UBE4B: variants seen among roughly 807,000 people sequenced by gnomAD.
The protein encoded by UBE4B is ubiquitin conjugation factor E4 B.
A neutral mutation model predicts 148.1 loss-of-function variants in UBE4B; 27 were observed. That is an observed-to-expected ratio of 0.18 (90% CI 0.13 to 0.25). The LOEUF (loss-of-function observed/expected upper bound fraction) is 0.25, where lower values mean the gene tolerates loss of function less well. UBE4B is among the 10% of genes least tolerant of loss of function. The probability of loss-of-function intolerance (pLI) is 1.00; values close to 1 mark genes in which losing one functional copy is unlikely to be tolerated. For missense variants in UBE4B, 1,170 were observed against 1,662.4 expected (o/e 0.70, Z 5.15); for synonymous variants, 596 against 619.3 (o/e 0.96, Z 0.56).
chr1:10,151,980 C>T (rs1645982133), intron 21 of UBE4B, among the ~76,000 whole-genome samples: 2 of 151,986 alleles, frequency 1.3e-5, no homozygotes, highest in Admixed American at 6.6e-5. Flanking sequence ...ATTCTTGGTC[C>T]GGGTGCGGTG....
At chr1:10,036,112 A>T (rs544435775) in intron 1 of UBE4B, among the ~76,000 whole-genome samples, 66 of 148,540 alleles carry the variant, frequency 4.4e-4, no homozygotes, top group African/African-American at 1.6e-3. Flanking sequence ...TGATCTGTTA[A>T]TAGTCCTTGG....
chr1:10,148,804 G>A (rs567727583), intron 19 of UBE4B, among the ~76,000 whole-genome samples: 1 of 152,012 alleles, frequency 6.6e-6, no homozygotes, highest in South Asian at 2.1e-4. Context: ...GCCAGGTATG[G>A]TGGCACGTGC....
chr1:10,153,757 C>T (rs1646019480), intron 21 of UBE4B, among the ~76,000 whole-genome samples: 1 of 151,566 alleles, frequency 6.6e-6, no homozygotes, highest in Non-Finnish European at 1.5e-5. Context: ...AGATGAGCCT[C>T]GCCAACATGG....
intron 26 of UBE4B, 182 bp downstream of exon 26, chr1:10,179,000 C>T (rs1330957861): frequency 3.1e-6 from 2 of 641,042 alleles, no homozygotes; most frequent in Non-Finnish European, 2.4e-6. Context: ...GAGGAAGAAA[C>T]ATCCTTAGCT....
intron 7 of UBE4B, among the ~76,000 whole-genome samples, chr1:10,112,711 C>T (rs1054818250): frequency 3.3e-5 from 5 of 152,238 alleles, no homozygotes; most frequent in African/African-American, 7.2e-5. Flanking sequence ...TACTATATTC[C>T]GCTTTCTCCT....
rs1010048467 is a variant in UBE4B, at chr1:10,130,526, G to A, written c.1722G>A (p.Pro574=). The A allele has an allele frequency of 1.1e-5, 17 of 1,614,026 alleles. No individual in the cohort carries two copies. Among genetic ancestry groups the A allele is most frequent in the East Asian group, 4.5e-5 (2 of 44,896 alleles). The change falls in exon 13 of 28, where the codon CCG becomes CCA. Residue 574 remains proline (P), a synonymous_variant. Coordinates refer to ENST00000343090, the MANE Select transcript of UBE4B (RefSeq NM_001105562.3). ...NLVASLRLWL[P]KSLSPGCGRE... Reference sequence around the variant, plus strand: ...TTGCTTCTTTGCGGTTGTGGTTGCCGAAATCCTTAAGTCCTGGCTGTGGGC... The same window carrying A: ...TTGCTTCTTTGCGGTTGTGGTTGCCAAAATCCTTAAGTCCTGGCTGTGGGC...
intron 2 of UBE4B, among the ~76,000 whole-genome samples, chr1:10,094,901 C>G (rs1644906670): frequency 6.6e-6 from 1 of 152,082 alleles, no homozygotes; most frequent in Admixed American, 6.6e-5. Context: ...AAGGATTCTC[C>G]TGCCTCAGCT....
At chr1:10,072,692 A>C (rs937023759) in intron 2 of UBE4B, 20 of 510,242 alleles carry the variant, frequency 3.9e-5, no homozygotes, top group Admixed American at 1.1e-4. Flanking sequence ...CTATCTCATT[A>C]AAAAGTAAAA....
rs1646464859 is a variant in UBE4B at position 10,178,807 on chromosome 1, A to T, written c.3689A>T (p.Asp1230Val). ...GAAATCGACTACAGCGACGCTCCTGATGAGTTCAGAGGCAAGTGGACTCGT... is the reference window on the plus strand; with the variant it reads ...GAAATCGACTACAGCGACGCTCCTGTTGAGTTCAGAGGCAAGTGGACTCGT... ...RAEIDYSDAP[D>V]EFRDPLMDTL... Residue 1230 changes from aspartate (D) to valine (V), a missense_variant, in exon 26 of 28, where the codon GAT (aspartate) becomes GTT (valine). Transcript: ENST00000343090. The T allele has an allele frequency of 2.5e-6, 4 of 1,609,326 alleles. No homozygotes were observed. The highest frequency in any genetic ancestry group is 3.4e-6 in the Non-Finnish European group (4 of 1,178,654).
chr1:10,158,250 C>G (rs755056386), intron 21 of UBE4B, 106 bp from the exon 22 acceptor site: 6 of 1,400,378 alleles, frequency 4.3e-6, no homozygotes, highest in Non-Finnish European at 5.8e-6. Flanking sequence ...CACCAGCTCT[C>G]TGATTTTGCA....
chr1:10,105,150 G>C (rs1645084477), intron 5 of UBE4B, among the ~76,000 whole-genome samples: 1 of 152,194 alleles, frequency 6.6e-6, no homozygotes, highest in Non-Finnish European at 1.5e-5. Context: ...ATAGTTGGGA[G>C]TAGCTTCTTT....
intron 1 of UBE4B, among the ~76,000 whole-genome samples, chr1:10,043,324 C>T (rs1203978900): frequency 1.3e-5 from 2 of 150,820 alleles, no homozygotes; most frequent in East Asian, 4.0e-4. Context: ...TCAGTAAAAA[C>T]TTACTGAGAT....
At chr1:10,096,791 A>G (rs1644934933) in intron 3 of UBE4B, among the ~76,000 whole-genome samples, 1 of 152,206 alleles carries the variant, frequency 6.6e-6, no homozygotes, top group African/African-American at 2.4e-5. Flanking sequence ...CTGTAATCCC[A>G]GCACTTTGGG....
intron 18 of UBE4B, 146 bp downstream of exon 18, chr1:10,145,185 CTTG>C: frequency 1.8e-6 from 1 of 559,990 alleles, no homozygotes; most frequent in Non-Finnish European, 3.1e-6. Flanking sequence ...TATTTTAAAA[CTTG>C]TTGATACCTT....
At chr1:10,176,901 T>C (rs1198235006) in intron 25 of UBE4B, among the ~76,000 whole-genome samples, 1 of 149,416 alleles carries the variant, frequency 6.7e-6, no homozygotes, top group Non-Finnish European at 1.5e-5. Flanking sequence ...TTCTCTTGCC[T>C]CAGCCTCCCA....
chr1:10,109,288 C>T (rs1267470413), intron 7 of UBE4B, among the ~76,000 whole-genome samples: 2 of 152,144 alleles, frequency 1.3e-5, no homozygotes, highest in Non-Finnish European at 2.9e-5. Flanking sequence ...GACTCATGTT[C>T]ACCACCGCAC....
At chr1:10,051,816 A>G (rs932002788) in intron 1 of UBE4B, among the ~76,000 whole-genome samples, 3 of 152,274 alleles carry the variant, frequency 2.0e-5, no homozygotes, top group Non-Finnish European at 4.4e-5. Flanking sequence ...TTCTGAAAGA[A>G]TTGTACCCCT....
intron 1 of UBE4B, among the ~76,000 whole-genome samples, chr1:10,054,935 A>G (rs1238832665): frequency 1.3e-5 from 2 of 151,648 alleles, no homozygotes; most frequent in Non-Finnish European, 2.9e-5. Flanking sequence ...ACAGGCATGC[A>G]CCACCATGCC....
rs1440959070 is a variant in UBE4B at position 10,032,993 on chromosome 1, A to G, written c.-678A>G. ...GATGGCCGCCCTGTTGTTTTGATGA[A>G]TAATACTTGGTGGGGCGAGGGGGAA... On this transcript the variant is annotated 5_prime_UTR_variant, in exon 1 of 28. Coordinates refer to ENST00000343090, the MANE Select transcript of UBE4B (RefSeq NM_001105562.3). The G allele has an allele frequency of 2.6e-5, 4 of 152,204 alleles. No homozygotes were observed. The highest frequency in any genetic ancestry group is 2.9e-5 in the Non-Finnish European group (2 of 68,050). The allele number at this position is 152,204 out of a possible 1,614,324, so 9.4% of individuals were successfully genotyped here. A position where few individuals can be genotyped will look rare whatever the true frequency, so the allele number is the denominator to read the frequency against.
Sources: gnomAD v4.1 joint callset for allele counts (sites outside exome capture counted in the v4.1 genomes callset) on GRCh38, gnomAD v4.1.1 for gene constraint, MANE v1.5 for transcripts, NCBI Gene and HGNC (gene_info 2026-07-23, HGNC 2026-07-21) for gene names.